TRPV5: variants seen among roughly 807,000 people sequenced by gnomAD.
The protein encoded by TRPV5 is calcium transport protein 2.
Under a neutral mutation model 74.1 loss-of-function variants are expected in TRPV5, and 66 were observed. That is an observed-to-expected ratio of 0.89 (90% confidence interval 0.73 to 1.09). TRPV5 has a LOEUF of 1.09. Ranked by LOEUF, TRPV5 falls within the 50% of genes least tolerant of loss-of-function variation. TRPV5 has a pLI of 0.00. For missense variants in TRPV5, 936 were observed against 930.4 expected (o/e 1.01, Z -0.08); for synonymous variants, 399 against 360.7 (o/e 1.11, Z -1.20).
chr7:142,929,868 T>A (rs4252405), intron 3 of TRPV5, among the ~76,000 whole-genome samples, 190 bp downstream of exon 3: 2,470 of 152,112 alleles, frequency 0.016, 59 homozygotes, highest in African/African-American at 0.056. Flanking sequence ...TGAAAGGAAA[T>A]GCTGAAGGAA....
At chr7:142,925,466 T>C in intron 8 of TRPV5, 63 bp downstream of exon 8, 1 of 1,573,550 alleles carries the variant, frequency 6.4e-7, no homozygotes, top group Non-Finnish European at 8.7e-7. Flanking sequence ...GTAGCATGGC[T>C]TCGTTTCCAG....
chr7:142,912,811 A>T (rs910123285), intron 12 of TRPV5, 61 bp from the exon 13 acceptor site: 2 of 1,552,720 alleles, frequency 1.3e-6, no homozygotes, highest in Admixed American at 1.7e-5. Flanking sequence ...ATAAGCATGG[A>T]CATGGTTAGC....
chr7:142,930,230 G>C, intron 2 of TRPV5, 50 bp from the exon 3 acceptor site: 1 of 1,607,966 alleles, frequency 6.2e-7, no homozygotes, highest in South Asian at 1.1e-5. Context: ...ATTCCCTTGA[G>C]GAAGGGGCCT....
chr7:142,929,184 C>T, intron 4 of TRPV5, 64 bp from the exon 5 acceptor site: 2 of 1,578,852 alleles, frequency 1.3e-6, no homozygotes, highest in East Asian at 4.6e-5. Context: ...GGGCAGTCTC[C>T]CCCAAATAAG....
chr7:142,914,921 C>A lies in TRPV5; in HGVS notation c.1412G>T (p.Gly471Val). 1 of 1,614,128 alleles carries A rather than the reference C, an allele frequency of 6.2e-7. No individual in the cohort carries two copies. Among genetic ancestry groups the A allele is most frequent in the Non-Finnish European group, 8.5e-7 (1 of 1,180,024 alleles). The part of the protein sequence containing the change: ...GWCSVMYFTR[G>V]FQMLGPFTIM... The stretch of plus-strand genomic sequence containing the variant: ...GGTGAAGGGACCCAGCATCTGGAAT[C>A]CTCGAGTGAAATACATGACACTGCA... Residue 471 changes from glycine to valine, a missense_variant, in exon 11 of 15, where the codon GGA becomes GTA. Coordinates refer to ENST00000265310, the MANE Select transcript of TRPV5 (RefSeq NM_019841.7).
intron 8 of TRPV5, among the ~76,000 whole-genome samples, chr7:142,924,436 G>C (rs576557723): frequency 2.1e-4 from 31 of 148,798 alleles, no homozygotes; most frequent in African/African-American, 6.2e-4. Context: ...AAACAGGAGA[G>C]ATGGAGTGTC....
Position 142,908,678 on chromosome 7 carries a change from G to C in TRPV5, c.2026C>G (p.Leu676Val), listed in dbSNP as rs1795653550. Reference sequence around the variant, plus strand: ...GGAAGAGCCAAAGAGGCTCTGGCTAGAGTCCCACTCTCAGCCCCAGAGGGC... The same window carrying C: ...GGAAGAGCCAAAGAGGCTCTGGCTACAGTCCCACTCTCAGCCCCAGAGGGC... ...KQPSGAESGT[L>V]ARASLALPTS... Residue 676 changes from leucine to valine, a missense_variant, in exon 15 of 15, where the codon CTA becomes GTA. Coordinates refer to ENST00000265310, the MANE Select transcript of TRPV5 (RefSeq NM_019841.7). 1.9e-6 allele frequency: 3 copies of C among 1,614,240 alleles called. No individual in the cohort carries two copies. In the South Asian group the frequency reaches 3.3e-5, roughly 18 times the overall value.
At chr7:142,913,494 T>A (rs1795743123) in intron 12 of TRPV5, among the ~76,000 whole-genome samples, 1 of 152,164 alleles carries the variant, frequency 6.6e-6, no homozygotes, top group Admixed American at 6.5e-5. Context: ...ATAGAGGACA[T>A]CTACAGAAAG....
Position 142,929,628 on chromosome 7 carries a change from A to G in TRPV5, c.350-63T>C, listed in dbSNP as rs373060431. On this transcript the variant is annotated intron_variant, in intron 3 of 14. Transcript: ENST00000265310. ...TCCCCAGTTCTCTCAGGGACACAGCATCCCCCACCATCCCTCTCAGGAGGT... is the reference window on the plus strand; with the variant it reads ...TCCCCAGTTCTCTCAGGGACACAGCGTCCCCCACCATCCCTCTCAGGAGGT... 4.5e-5 allele frequency: 72 copies of G among 1,584,728 alleles called. No individual in the cohort carries two copies. In the African/African-American group the frequency reaches 9.0e-4, roughly 20 times the overall value.
chr7:142,928,223 G>A lies in TRPV5; in HGVS notation c.774C>T (p.His258=). 6.2e-7 allele frequency: 1 copy of A among 1,614,178 alleles called. No individual in the cohort carries two copies. Among genetic ancestry groups the A allele is most frequent in the Non-Finnish European group, 8.5e-7 (1 of 1,180,032 alleles). ...GVEGNTVMFQ[H]LMQKRRHIQW... ...GGATGTGCCTCCGCTTCTGCATCAG[G>A]TGCTGGAACATCTGAGAGACCACCA... The change falls in exon 7 of 15, where the codon CAC becomes CAT. Residue 258 remains histidine, a synonymous_variant. Transcript: ENST00000265310.
intron 8 of TRPV5, among the ~76,000 whole-genome samples, chr7:142,918,953 C>A (rs140059750): frequency 2.6e-5 from 4 of 152,342 alleles, no homozygotes; most frequent in Non-Finnish European, 4.4e-5. Flanking sequence ...TGCCTTGTGT[C>A]CTCATACCCT....
At chr7:142,915,103 C>T in intron 10 of TRPV5, 57 bp from the exon 11 acceptor site, 1 of 1,593,008 alleles carries the variant, frequency 6.3e-7, no homozygotes, top group South Asian at 1.1e-5. Flanking sequence ...TAGGTCCCTA[C>T]AGCATAGTGG....
At chr7:142,932,112 C>T (rs571552038) in intron 1 of TRPV5, among the ~76,000 whole-genome samples, 2 of 152,256 alleles carry the variant, frequency 1.3e-5, no homozygotes, top group East Asian at 1.9e-4. Context: ...TTCCCTGCCC[C>T]GTCTCACCCA....
intron 11 of TRPV5, 27 bp from the exon 12 acceptor site, chr7:142,914,733 T>G (rs1795762504): frequency 2.5e-6 from 4 of 1,610,598 alleles, no homozygotes; most frequent in African/African-American, 1.3e-5. Flanking sequence ...GAAGAAAGGG[T>G]GGGATGATTC....
In TRPV5 at chr7:142,912,673, T is replaced by C; in HGVS notation, c.1597A>G (p.Thr533Ala). ...ATAACAGTGAGAAAAAGCTCAAAGG[T>C]GGTGAACAGTGCCATGGGGTAGTCA... ...FYDYPMALFTTFELFLTVIDA... is the reference protein window; with the variant it reads ...FYDYPMALFTAFELFLTVIDA... The change falls in exon 13 of 15, where the codon ACC becomes GCC. Residue 533 changes from threonine to alanine, a missense_variant. By Grantham distance (58) the Thr-to-Ala change is moderately conservative. Transcript: ENST00000265310. The C allele has an allele frequency of 5.0e-6, 8 of 1,614,146 alleles. No homozygotes were observed. Among genetic ancestry groups the C allele is most frequent in the Non-Finnish European group, 6.8e-6 (8 of 1,180,016 alleles).
At position 142,930,180 on chromosome 7, in the gene TRPV5, C is replaced by T. The variant is rs1202548666; in HGVS notation, c.227G>A (p.Gly76Glu). The change falls in exon 3 of 15, where the codon GGA (glycine) becomes GAA (glutamate). Residue 76 changes from glycine to glutamate, a missense_variant and splice_region_variant. Physicochemically the swap from Gly to Glu is moderately conservative, Grantham distance 98. Transcript: ENST00000265310. ...LDCTCDVRQR[G>E]ALGETALHIA... Reference sequence around the variant, plus strand: ...GTGCAGCGCCGTCTCCCCCAGGGCTCCTGGATTGGAGTAAGACAGAGATGT... The same window carrying T: ...GTGCAGCGCCGTCTCCCCCAGGGCTTCTGGATTGGAGTAAGACAGAGATGT... The T allele has an allele frequency of 6.2e-7, 1 of 1,611,984 alleles. No individual in the cohort carries two copies. Among genetic ancestry groups the T allele is most frequent in the Middle Eastern group, 1.7e-4 (1 of 6,044 alleles).
At chr7:142,909,708 G>A (rs1795675364) in intron 13 of TRPV5, 112 bp from the exon 14 acceptor site, 1 of 1,147,056 alleles carries the variant, frequency 8.7e-7, no homozygotes, top group Non-Finnish European at 1.2e-6. Flanking sequence ...TAGGACACTA[G>A]AGGTCAGTGG....
chr7:142,930,579 C>T, intron 1 of TRPV5, 133 bp from the exon 2 acceptor site: 1 of 718,144 alleles, frequency 1.4e-6, no homozygotes, highest in African/African-American at 1.7e-5. Flanking sequence ...AAAGAAGTGC[C>T]TACTGGACTC....
chr7:142,928,791 G>A lies in TRPV5; in HGVS notation c.662C>T (p.Ser221Phe). 5 of 1,614,148 alleles carry A rather than the reference G, an allele frequency of 3.1e-6. No homozygotes were observed. The highest frequency in any genetic ancestry group is 4.2e-6 in the Non-Finnish European group (5 of 1,180,008). ...FACQMYNLLL[S>F]YDGHGDHLQP... The stretch of plus-strand genomic sequence containing the variant: ...CAGGTGGTCCCCATGTCCATCATAG[G>A]ACAGCAGCAGGTTGTACATCTGGCA... The change falls in exon 6 of 15, where the codon TCC (serine) becomes TTC (phenylalanine). Residue 221 changes from serine (S) to phenylalanine (F), a missense_variant. Ser to Phe is a radical substitution (Grantham distance 155). Transcript: ENST00000265310.
Sources: allele counts gnomAD v4.1 joint callset (sites outside exome capture counted in the v4.1 genomes callset), GRCh38; gene constraint gnomAD v4.1.1; transcripts MANE v1.5; gene names NCBI Gene and HGNC (gene_info 2026-07-23, HGNC 2026-07-21).